The following CNRIP1 variants were observed in gnomAD, a reference collection of about 807,000 sequenced individuals.
CNRIP1 encodes cannabinoid receptor interacting protein 1, also known as CB1 cannabinoid receptor-interacting protein 1.
CNRIP1 carries 10 observed loss-of-function variants against 15.2 expected under a neutral mutation model. The ratio of observed to expected loss-of-function variants is 0.66; its 90% CI spans 0.41 to 1.12. CNRIP1 has a LOEUF of 1.12. Ranked by LOEUF, CNRIP1 falls within the 50% of genes most tolerant of loss-of-function variation. The pLI is 0.00. For synonymous variants in CNRIP1, 91 were observed against 83.2 expected (o/e 1.09, Z -0.51); for missense variants, 211 against 214.7 (o/e 0.98, Z 0.11).
In CNRIP1 at chr2:68,319,380, G is replaced by T; in HGVS notation, c.21C>A (p.Leu7=). The T allele has an allele frequency of 1.4e-5, 22 of 1,582,994 alleles. No homozygotes were observed. Among genetic ancestry groups the T allele is most frequent in the Non-Finnish European group, 1.8e-5 (21 of 1,166,744 alleles). Residue 7 remains leucine (L), a synonymous_variant, in exon 1 of 3, where the codon CTC becomes CTA. Coordinates refer to ENST00000263655, the MANE Select transcript of CNRIP1 (RefSeq NM_015463.3). MGDLPG[L]VRLSIALRIQ... ...TGCGCAGCGCGATGGAGAGGCGCAC[G>T]AGGCCCGGCAGGTCCCCCATGTCTG...
chr2:68,318,163 CAAAT>C (rs1672348224), intron 1 of CNRIP1, among the ~76,000 whole-genome samples: 1 of 151,942 alleles, frequency 6.6e-6, no homozygotes. Context: ...GGGATGCTGA[CAAAT>C]AGATGAATCA....
chr2:68,305,274 ATGTG>A (rs10601379), intron 2 of CNRIP1, among the ~76,000 whole-genome samples: 6,311 of 120,330 alleles, frequency 0.052, 267 homozygotes, highest in African/African-American at 0.065. Context: ...ATATATATAT[ATGTG>A]TGTGTGTGTG....
At chr2:68,291,694 C>T (rs576189220), downstream of CNRIP1, among the ~76,000 whole-genome samples, 84 of 152,192 alleles carry the variant, frequency 5.5e-4, no homozygotes, top group South Asian at 1.9e-3. Flanking sequence ...GCTTGACCAA[C>T]ATGGTGAAAC....
Position 68,293,284 on chromosome 2 carries a change from C to A in CNRIP1, c.*578G>T. On this transcript the variant is annotated 3_prime_UTR_variant, in exon 3 of 3. Transcript: ENST00000263655. ...ACGTTATAAATACGTACATATTTGT[C>A]CTTCTAGTTTGTTACCATCCTTCCC... 1.0e-6 allele frequency: 1 copy of A among 985,970 alleles called. No individual in the cohort carries two copies. The highest frequency in any genetic ancestry group is 5.2e-4 in the Middle Eastern group (1 of 1,914). The allele number at this position is 985,970 out of a possible 1,614,324, so 61.1% of individuals were successfully genotyped here.
At chr2:68,309,939 C>T (rs1378934720) in intron 2 of CNRIP1, among the ~76,000 whole-genome samples, 1 of 151,942 alleles carries the variant, frequency 6.6e-6, no homozygotes, top group African/African-American at 2.4e-5. Context: ...TTAATAGCTT[C>T]TTTATATTTA....
At chr2:68,301,816 C>T (rs763059405) in intron 2 of CNRIP1, among the ~76,000 whole-genome samples, 12 of 140,494 alleles carry the variant, frequency 8.5e-5, no homozygotes, top group African/African-American at 2.1e-4. Context: ...GGCGTGAACC[C>T]GGGAGGCGGA....
chr2:68,302,060 T>A (rs527375048), intron 2 of CNRIP1, among the ~76,000 whole-genome samples: 1 of 152,176 alleles, frequency 6.6e-6, no homozygotes, highest in African/African-American at 2.4e-5. Flanking sequence ...CAATTTTACA[T>A]GAAAGTTGAC....
chr2:68,308,333 T>C (rs557402531), intron 2 of CNRIP1, among the ~76,000 whole-genome samples: 10 of 152,358 alleles, frequency 6.6e-5, no homozygotes, highest in African/African-American at 2.4e-4. Context: ...TAACTTAGTT[T>C]CTTCTTCTGG....
intron 2 of CNRIP1, among the ~76,000 whole-genome samples, chr2:68,313,442 G>T (rs1203107195): frequency 6.6e-6 from 1 of 152,064 alleles, no homozygotes; most frequent in Non-Finnish European, 1.5e-5. Context: ...TCCATTTATT[G>T]GTAAAGGGAG....
At chr2:68,313,061 G>A (rs940795743) in intron 2 of CNRIP1, among the ~76,000 whole-genome samples, 3 of 151,918 alleles carry the variant, frequency 2.0e-5, no homozygotes, top group African/African-American at 7.3e-5. Context: ...AAAACACAAA[G>A]GACCTAGATT....
rs553023089 is a variant in CNRIP1, at chr2:68,311,386, A to G, written c.330+5771T>C. Among the ~76,000 whole-genome samples, 71 of 141,732 alleles carry G rather than the reference A, an allele frequency of 5.0e-4. 1 individual carries two copies. The highest frequency in any genetic ancestry group is 3.6e-3 in the Middle Eastern group (1 of 278). The allele number at this position is 141,732 out of a possible 152,430, so 93.0% of individuals were successfully genotyped here. Reference sequence around the variant, plus strand: ...GTAGAAAAACAGAGTGAAGCATGTGAAAAAAAAAGCTAGGATTTTGAAAAG... The same window carrying G: ...GTAGAAAAACAGAGTGAAGCATGTGGAAAAAAAAGCTAGGATTTTGAAAAG... On this transcript the variant is annotated intron_variant, in intron 2 of 2. Transcript: ENST00000263655.
At chr2:68,306,177 T>C (rs769823192) in intron 2 of CNRIP1, among the ~76,000 whole-genome samples, 43 of 129,706 alleles carry the variant, frequency 3.3e-4, no homozygotes, top group Non-Finnish European at 6.2e-4. Flanking sequence ...TGGTACGTAG[T>C]GGTAGTCCTA....
chr2:68,311,752 GAGAC>G (rs1672081274), intron 2 of CNRIP1, among the ~76,000 whole-genome samples: 1 of 124,736 alleles, frequency 8.0e-6, no homozygotes, highest in Non-Finnish European at 1.6e-5. Context: ...TCCAGCCTGA[GAGAC>G]AGAGTGAGAC....
At chr2:68,313,472 CA>C (rs1672165099) in intron 2 of CNRIP1, among the ~76,000 whole-genome samples, 1 of 152,092 alleles carries the variant, frequency 6.6e-6, no homozygotes, top group Non-Finnish European at 1.5e-5. Flanking sequence ...TATATCCACA[CA>C]ACATAATATG....
rs550224993 is a variant in CNRIP1 at position 68,316,044 on chromosome 2, A to C, written c.330+1113T>G. 3.9e-5 allele frequency: 6 copies of C among 152,336 alleles called. No individual in the cohort carries two copies. The East Asian group carries it at 1.2e-3, about 29-fold the overall frequency. 9.4% of individuals were successfully genotyped at this position (152,336 alleles called of 1,614,324 possible). Reference sequence around the variant, plus strand: ...TTGACAGAACAAGAGCACTTTCTAAAAATAGTTCAAACATTGGATGCAAAG... The same window carrying C: ...TTGACAGAACAAGAGCACTTTCTAACAATAGTTCAAACATTGGATGCAAAG... On this transcript the variant is annotated intron_variant, in intron 2 of 2. Transcript: ENST00000263655.
chr2:68,312,335 T>A (rs1208847924), intron 2 of CNRIP1, among the ~76,000 whole-genome samples: 1 of 152,068 alleles, frequency 6.6e-6, no homozygotes, highest in Non-Finnish European at 1.5e-5. Flanking sequence ...AGCAAGGTAA[T>A]CTACCATAAA....
At chr2:68,306,119 C>A (rs1671831535) in intron 2 of CNRIP1, among the ~76,000 whole-genome samples, 1 of 30,878 alleles carries the variant, frequency 3.2e-5, no homozygotes, top group African/African-American at 1.6e-4. Context: ...GAGACCCCAC[C>A]TCTACAAAAA....
chr2:68,307,930 C>T (rs1671918525), intron 2 of CNRIP1, among the ~76,000 whole-genome samples: 1 of 152,060 alleles, frequency 6.6e-6, no homozygotes, highest in African/African-American at 2.4e-5. Context: ...TGGTGGCTCA[C>T]CCCTGTAATC....
In CNRIP1 at chr2:68,304,401, C is replaced by CGAA. The variant is rs111273429; in HGVS notation, c.331-10376_331-10375insTTC. ...TGGGTGACAGAGTGAGACTCCATCTCAAAAAAAAAATAAAGTTGGAGAGCC... is the reference window on the plus strand; with the variant it reads ...TGGGTGACAGAGTGAGACTCCATCTCGAAAAAAAAAAAATAAAGTTGGAGAGCC... On this transcript the variant is annotated intron_variant, in intron 2 of 2. Transcript: ENST00000263655. 9.2e-4 allele frequency among the ~76,000 whole-genome samples: 136 copies of CGAA among 148,334 alleles called. 1 individual carries two copies. The highest frequency in any genetic ancestry group is 3.1e-3 in the African/African-American group (124 of 40,230).
Sources: gnomAD v4.1 joint callset for allele counts (sites outside exome capture counted in the v4.1 genomes callset) on GRCh38, gnomAD v4.1.1 for gene constraint, MANE v1.5 for transcripts, NCBI Gene and HGNC (gene_info 2026-07-23, HGNC 2026-07-21) for gene names.